Variants in ADAM28 observed in about 807,000 individuals in gnomAD.
ADAM28 encodes disintegrin and metalloproteinase domain-containing protein 28.
Under a neutral mutation model 101.2 loss-of-function variants are expected in ADAM28, and 105 were observed. That is an observed-to-expected ratio of 1.04 (90% CI 0.89 to 1.22). ADAM28 has a LOEUF of 1.22. ADAM28 is among the 50% of genes most tolerant of loss of function. ADAM28 has a pLI of 0.00. For missense variants in ADAM28, 1,028 were observed against 945.4 expected, an observed-to-expected ratio of 1.09 and a Z score of -1.15; for synonymous variants, 322 against 310.6, an observed-to-expected ratio of 1.04 and a Z score of -0.39.
intron 6 of ADAM28, among the ~76,000 whole-genome samples, chr8:24,314,601 G>T (rs990476537): frequency 3.3e-5 from 5 of 151,760 alleles, no homozygotes; most frequent in Non-Finnish European, 2.9e-5. Context: ...ATTTTCTGTA[G>T]GTTTAAATTC....
rs1325214577 is a variant in ADAM28 at position 24,355,508 on chromosome 8, T to TC, written c.*1109dup. 8.0e-5 allele frequency: 12 copies of TC among 150,586 alleles called. No individual in the cohort carries two copies. The highest frequency in any genetic ancestry group is 2.9e-4 in the African/African-American group (12 of 41,262). The allele number at this position is 150,586 out of a possible 1,614,324, so 9.3% of individuals were successfully genotyped here. A position where few individuals can be genotyped will look rare whatever the true frequency, so the allele number is the denominator to read the frequency against. ...CGACTTGGAGATGATTTTATAATCC[T>TC]CCCCCTCCCTTTTTTTTTTTGCTAG... is the stretch of plus-strand genomic sequence containing the variant. On this transcript the variant is annotated 3_prime_UTR_variant, in exon 23 of 23. Coordinates refer to ENST00000265769, the MANE Select transcript of ADAM28 (RefSeq NM_014265.6).
chr8:24,337,057 C>A (rs1814183497), intron 14 of ADAM28, among the ~76,000 whole-genome samples: 2 of 152,106 alleles, frequency 1.3e-5, no homozygotes, highest in African/African-American at 4.8e-5. Flanking sequence ...ACTGTGAAAA[C>A]AAGAAACCTG....
intron 20 of ADAM28, 32 bp downstream of exon 20, chr8:24,351,342 T>C (rs1405803306): frequency 1.3e-6 from 2 of 1,591,100 alleles, no homozygotes; most frequent in Non-Finnish European, 1.7e-6. Flanking sequence ...GTGATTACCA[T>C]GGCCCCACTT....
chr8:24,323,247 C>G (rs945885695), intron 8 of ADAM28, among the ~76,000 whole-genome samples: 2 of 151,884 alleles, frequency 1.3e-5, no homozygotes, highest in African/African-American at 2.4e-5. Flanking sequence ...GCTCCACTCT[C>G]GTGACCTAAT....
intron 2 of ADAM28, among the ~76,000 whole-genome samples, chr8:24,302,191 T>A (rs926392997): frequency 2.0e-5 from 3 of 152,204 alleles, no homozygotes; most frequent in Non-Finnish European, 2.9e-5. Context: ...ACATGTGGTG[T>A]TTGGTTTTCT....
At chr8:24,315,499 G>T (rs1479264728) in intron 6 of ADAM28, among the ~76,000 whole-genome samples, 1 of 151,850 alleles carries the variant, frequency 6.6e-6, no homozygotes, top group Non-Finnish European at 1.5e-5. Context: ...CAATAACAAA[G>T]AGATTGAAAT....
intron 3 of ADAM28, 40 bp from the exon 4 acceptor site, chr8:24,310,123 A>C: frequency 6.3e-7 from 1 of 1,599,108 alleles, no homozygotes; most frequent in Non-Finnish European, 8.6e-7. Flanking sequence ...CTTAGCAATC[A>C]GCACAAGTAA....
chr8:24,326,685 C>G (rs1043477349), intron 10 of ADAM28, 50 bp downstream of exon 10: 11 of 1,540,422 alleles, frequency 7.1e-6, no homozygotes, highest in Non-Finnish European at 9.8e-6. Flanking sequence ...TTATCAAATG[C>G]TTTTTAAAAA....
At position 24,330,098 on chromosome 8, in the gene ADAM28, G is replaced by A; in HGVS notation, c.1086G>A (p.Val362=). ...GCAAGTGTCCTTCTACAATATGTGT[G>A]ATGGACAAAGCACTGAGGTGAGGCT... ...YSCKCPSTIC[V]MDKALSFYIP... The change falls in exon 11 of 23, where the codon GTG becomes GTA. Residue 362 remains valine (V), a synonymous_variant. Transcript: ENST00000265769. The A allele has an allele frequency of 1.2e-6, 2 of 1,613,402 alleles. No homozygotes were observed. The highest frequency in any genetic ancestry group is 8.5e-7 in the Non-Finnish European group (1 of 1,179,604).
chr8:24,330,053 G>A lies in ADAM28; in HGVS notation c.1041G>A (p.Met347Ile), dbSNP rs1813162212. 3 of 1,613,750 alleles carry A rather than the reference G, an allele frequency of 1.9e-6. No individual in the cohort carries two copies. The highest frequency in any genetic ancestry group is 2.5e-6 in the Non-Finnish European group (3 of 1,179,802). Residue 347 changes from methionine (M) to isoleucine (I), a missense_variant, in exon 11 of 23, where the codon ATG becomes ATA. By Grantham distance (10) the Met-to-Ile change is conservative. Transcript: ENST00000265769. ...ATGAAATGGGCCACAACTTTGGAAT[G>A]TTTCATGACGACTATTCTTGCAAGT... ...MAHEMGHNFG[M>I]FHDDYSCKCP...
chr8:24,324,040 T>C (rs756485581), intron 9 of ADAM28, 37 bp downstream of exon 9: 2 of 1,594,376 alleles, frequency 1.3e-6, no homozygotes, highest in Non-Finnish European at 1.7e-6. Context: ...CACTATGTGG[T>C]ATTTAGTGGA....
intron 6 of ADAM28, among the ~76,000 whole-genome samples, chr8:24,319,850 A>G (rs1811635759): frequency 6.6e-6 from 1 of 151,982 alleles, no homozygotes; most frequent in East Asian, 1.9e-4. Flanking sequence ...AGGCTACCAA[A>G]GAAAACAAAA....
chr8:24,307,928 G>A (rs960429503), intron 2 of ADAM28, among the ~76,000 whole-genome samples: 4 of 152,188 alleles, frequency 2.6e-5, no homozygotes, highest in East Asian at 1.9e-4. Context: ...AACAACTGTT[G>A]TATTACTAGA....
chr8:24,316,196 G>A (rs1223692515), intron 6 of ADAM28, among the ~76,000 whole-genome samples: 1 of 151,724 alleles, frequency 6.6e-6, no homozygotes, highest in Non-Finnish European at 1.5e-5. Flanking sequence ...CTAGGAACAT[G>A]TTTTTCCAAA....
intron 21 of ADAM28, 30 bp downstream of exon 21, chr8:24,352,082 C>T: frequency 6.3e-7 from 1 of 1,594,496 alleles, no homozygotes; most frequent in Non-Finnish European, 8.6e-7. Flanking sequence ...TAAATACCAC[C>T]CTAGTTCAAT....
At position 24,331,176 on chromosome 8, in the gene ADAM28, C is replaced by T. The variant is rs1410573710; in HGVS notation, c.1130C>T (p.Ser377Phe). The T allele has an allele frequency of 1.9e-6, 3 of 1,612,590 alleles. No homozygotes were observed. Among genetic ancestry groups the T allele is most frequent in the Non-Finnish European group, 1.7e-6 (2 of 1,179,268 alleles). Reference sequence around the variant, plus strand: ...TTCTATATACCCACAGACTTCAGTTCCTGCAGCCGTCTCAGCTATGACAAG... The same window carrying T: ...TTCTATATACCCACAGACTTCAGTTTCTGCAGCCGTCTCAGCTATGACAAG... ...LSFYIPTDFS[S>F]CSRLSYDKFF... The change falls in exon 12 of 23, where the codon TCC (serine) becomes TTC (phenylalanine). Residue 377 changes from serine (S) to phenylalanine (F), a missense_variant. Ser to Phe is a radical substitution (Grantham distance 155). Coordinates refer to ENST00000265769, the MANE Select transcript of ADAM28 (RefSeq NM_014265.6).
intron 18 of ADAM28, among the ~76,000 whole-genome samples, chr8:24,348,133 T>C (rs1254756000): frequency 1.3e-5 from 2 of 152,172 alleles, no homozygotes; most frequent in East Asian, 3.8e-4. Flanking sequence ...GACTTATTGA[T>C]TTTATTATTT....
intron 21 of ADAM28, among the ~76,000 whole-genome samples, chr8:24,353,420 C>T (rs570704143): frequency 2.8e-5 from 1 of 35,796 alleles, no homozygotes; most frequent in African/African-American, 6.9e-5. Context: ...GAAAGACCTA[C>T]ATTTGAGATT....
chr8:24,353,355 T>TTAA (rs1816394563), intron 21 of ADAM28, among the ~76,000 whole-genome samples: 2 of 152,152 alleles, frequency 1.3e-5, no homozygotes, highest in Non-Finnish European at 2.9e-5. Context: ...CATTCACTCA[T>TTAA]TAAATGGCTC....
Sources: allele counts gnomAD v4.1 joint callset (sites outside exome capture counted in the v4.1 genomes callset), GRCh38; gene constraint gnomAD v4.1.1; transcripts MANE v1.5; gene names NCBI Gene and HGNC (gene_info 2026-07-23, HGNC 2026-07-21).